Variants in ZNF775 observed in about 807,000 individuals in gnomAD.
ZNF775 encodes the protein zinc finger protein 775.
Under a neutral mutation model 2.4 loss-of-function variants are expected in ZNF775, and 1 was observed. The observed-to-expected ratio is 0.41, with a 90% confidence interval of 0.15 to 1.94. The LOEUF is 1.94. Among genes scored for constraint, ZNF775 ranks in the 30% most tolerant of loss-of-function variants. The pLI, the probability that ZNF775 is intolerant of heterozygous loss-of-function variation, is 0.30. For synonymous variants in ZNF775, 381 were observed against 373.3 expected (o/e 1.02, Z -0.24); for missense variants, 823 against 826.6 (o/e 1.00, Z 0.05).
At chr7:150,394,158 C>T (rs1800608395) in intron 2 of ZNF775, among the ~76,000 whole-genome samples, 1 of 152,236 alleles carries the variant, frequency 6.6e-6, no homozygotes, top group African/African-American at 2.4e-5. Flanking sequence ...TTTGGCTTCT[C>T]ATCTAAGAAT....
intron 2 of ZNF775, among the ~76,000 whole-genome samples, chr7:150,392,395 A>G (rs1800574332): frequency 6.6e-6 from 1 of 152,226 alleles, no homozygotes; most frequent in African/African-American, 2.4e-5. Context: ...GATTATATTT[A>G]GCATTTTTAC....
chr7:150,397,710 C>A lies in ZNF775; in HGVS notation c.1229C>A (p.Pro410Gln). Residue 410 changes from proline (P) to glutamine (Q), a missense_variant, in exon 3 of 3, where the codon CCG becomes CAG. Transcript: ENST00000329630. ...GACCAGCCGCAGGCCGAGGCCATCC[C>A]GGGCTTGGCCGCGAGGCCGCGGAGC... is the stretch of plus-strand genomic sequence containing the variant. ...PGDQPQAEAI[P>Q]GLAARPRSSQ... 4.3e-6 allele frequency: 6 copies of A among 1,400,404 alleles called. No homozygotes were observed. In the African/African-American group the frequency reaches 9.2e-5, roughly 21 times the overall value. 86.7% of individuals were successfully genotyped at this position (1,400,404 alleles called of 1,614,324 possible).
chr7:150,391,225 C>T lies in ZNF775; in HGVS notation c.31+2724C>T, dbSNP rs192782779. 7.9e-4 allele frequency among the ~76,000 whole-genome samples: 120 copies of T among 152,290 alleles called. 1 individual carries two copies. Among genetic ancestry groups the T allele is most frequent in the Admixed American group, 1.2e-3 (19 of 15,290 alleles). On this transcript the variant is annotated intron_variant, in intron 2 of 2. Coordinates refer to ENST00000329630, the MANE Select transcript of ZNF775 (RefSeq NM_173680.4). The stretch of plus-strand genomic sequence containing the variant: ...GTTTAGGTTTAAATTAACTTAAGTA[C>T]GGCCAGGCGCGGTGGCTCACGCCTG...
At chr7:150,380,849 T>A (rs1421646165) in intron 1 of ZNF775, among the ~76,000 whole-genome samples, 1 of 152,202 alleles carries the variant, frequency 6.6e-6, no homozygotes, top group Admixed American at 6.5e-5. Flanking sequence ...GGTTGCACAT[T>A]TACTTCTCAG....
chr7:150,388,603 A>C, intron 2 of ZNF775, 102 bp downstream of exon 2: 5 of 1,312,538 alleles, frequency 3.8e-6, no homozygotes, highest in Non-Finnish European at 5.4e-6. Flanking sequence ...GCCCTCAGCC[A>C]GTAGCTAGTA....
rs77127317 is a variant in ZNF775, at chr7:150,388,264, T to C, written c.-49-158T>C. ...GTTTTACCTTCTCAGCAGGTATGCTTACAATGAAAGAACCCCTGCCCATGT... is the reference window on the plus strand; with the variant it reads ...GTTTTACCTTCTCAGCAGGTATGCTCACAATGAAAGAACCCCTGCCCATGT... On this transcript the variant is annotated intron_variant, in intron 1 of 2. Transcript: ENST00000329630. 1.9e-3 allele frequency among the ~76,000 whole-genome samples: 292 copies of C among 152,284 alleles called. 2 individuals are homozygous for C. The highest frequency in any genetic ancestry group is 3.4e-3 in the Non-Finnish European group (228 of 68,018).
intron 1 of ZNF775, chr7:150,383,756 C>T (rs1800403103): frequency 1.3e-5 from 2 of 152,336 alleles, no homozygotes; most frequent in Non-Finnish European, 2.9e-5. Flanking sequence ...AGCCTTAGCG[C>T]CTAGTGGCGG....
chr7:150,390,949 C>A (rs949981099), intron 2 of ZNF775, among the ~76,000 whole-genome samples: 3 of 152,188 alleles, frequency 2.0e-5, no homozygotes, highest in Non-Finnish European at 4.4e-5. Flanking sequence ...TGTGTAGTGT[C>A]CACGCATATT....
In ZNF775 at chr7:150,396,651, T is replaced by TG; in HGVS notation, c.174dup (p.Arg59AlafsTer21). The TG allele has an allele frequency of 2.5e-6, 4 of 1,611,614 alleles. No homozygotes were observed. The highest frequency in any genetic ancestry group is 2.5e-6 in the Non-Finnish European group (3 of 1,179,628). On this transcript the variant is annotated frameshift_variant, in exon 3 of 3. Coordinates refer to ENST00000329630, the MANE Select transcript of ZNF775 (RefSeq NM_173680.4). LOFTEE classifies it low-confidence loss of function (END_TRUNC). Reference sequence around the variant, plus strand: ...CGGGGCCTCCCGCCACGCCAGACCATGGGGCGGCCTCGAGCCCTGGGGGGA... The same window carrying TG: ...CGGGGCCTCCCGCCACGCCAGACCATGGGGGCGGCCTCGAGCCCTGGGGGGA...
At chr7:150,381,927 G>T (rs1244012915) in intron 1 of ZNF775, among the ~76,000 whole-genome samples, 1 of 151,766 alleles carries the variant, frequency 6.6e-6, no homozygotes, top group African/African-American at 2.4e-5. Context: ...GTGGGATCCG[G>T]GAAGTTGGAG....
At position 150,397,150 on chromosome 7, in the gene ZNF775, C is replaced by A. The variant is rs1219398356; in HGVS notation, c.669C>A (p.Gly223=). 6.8e-7 allele frequency: 1 copy of A among 1,468,938 alleles called. No homozygotes were observed. The highest frequency in any genetic ancestry group is 1.3e-5 in the South Asian group (1 of 75,636). The allele number at this position is 1,468,938 out of a possible 1,614,324, so 91.0% of individuals were successfully genotyped here. A position where few individuals can be genotyped will look rare whatever the true frequency, so the allele number is the denominator to read the frequency against. Residue 223 remains glycine (G), a synonymous_variant, in exon 3 of 3, where the codon GGC becomes GGA. Transcript: ENST00000329630. The stretch of plus-strand genomic sequence containing the variant: ...GGGACCGCCAGGGCTCCCGCGCCGG[C>A]CTGCACGAGCTGATTCAGGACGCGG... The part of the protein sequence containing the change: ...HARDRQGSRA[G]LHELIQDAAA...
chr7:150,381,034 C>A (rs1232980016), intron 1 of ZNF775, among the ~76,000 whole-genome samples: 1 of 152,194 alleles, frequency 6.6e-6, no homozygotes, highest in African/African-American at 2.4e-5. Context: ...AAATGTGACA[C>A]CTCTTCAGAG....
At chr7:150,395,345 G>C (rs1441210507) in intron 2 of ZNF775, among the ~76,000 whole-genome samples, 1 of 151,918 alleles carries the variant, frequency 6.6e-6, no homozygotes, top group Non-Finnish European at 1.5e-5. Flanking sequence ...TATTTTGTTG[G>C]GTTTGTAACG....
At position 150,397,417 on chromosome 7, in the gene ZNF775, C is replaced by G. The variant is rs756595728; in HGVS notation, c.936C>G (p.Pro312=). The G allele has an allele frequency of 1.9e-6, 3 of 1,596,710 alleles. No individual in the cohort carries two copies. Among genetic ancestry groups the G allele is most frequent in the Non-Finnish European group, 2.6e-6 (3 of 1,175,204 alleles). Residue 312 remains proline, a synonymous_variant, in exon 3 of 3, where the codon CCC becomes CCG. Transcript: ENST00000329630. ...IHTGERPYAC[P]ECGRRFSQKP... The stretch of plus-strand genomic sequence containing the variant: ...CTGGCGAGCGCCCCTATGCGTGCCC[C>G]GAGTGCGGCCGCCGCTTCAGCCAGA...
intron 2 of ZNF775, among the ~76,000 whole-genome samples, chr7:150,392,546 TC>T (rs1800577778): frequency 4.2e-4 from 1 of 2,394 alleles, no homozygotes; most frequent in African/African-American, 7.0e-4. Context: ...CCCAAATGGA[TC>T]TCTCTCTCTC....
In ZNF775 at chr7:150,397,545, A is replaced by C. The variant is rs774721130; in HGVS notation, c.1064A>C (p.His355Pro). The C allele has an allele frequency of 6.5e-7, 1 of 1,548,276 alleles. No homozygotes were observed. The highest frequency in any genetic ancestry group is 8.7e-7 in the Non-Finnish European group (1 of 1,154,162). The change falls in exon 3 of 3, where the codon CAC becomes CCC. Residue 355 changes from histidine (H) to proline (P), a missense_variant. Transcript: ENST00000329630. ...GFRQKQHLLK[H>P]LRTHLPGAQA... ...CGCCAGAAGCAGCACCTGCTCAAGC[A>C]CCTGCGCACGCACCTGCCCGGCGCC...
At chr7:150,391,626 A>C (rs1226900623) in intron 2 of ZNF775, among the ~76,000 whole-genome samples, 1 of 152,090 alleles carries the variant, frequency 6.6e-6, no homozygotes, top group African/African-American at 2.4e-5. Context: ...TCAAGAGCTC[A>C]GATGTAAACT....
chr7:150,381,626 G>A lies in ZNF775; in HGVS notation c.-50+2234G>A, dbSNP rs555109197. On this transcript the variant is annotated intron_variant, in intron 1 of 2. Transcript: ENST00000329630. ...GAGCAAGCGTTATTTCCATTTTCAG[G>A]TGGGGAAACTGAGGCCCAGAGAAGG... Among the ~76,000 whole-genome samples, 4 of 149,642 alleles carry A rather than the reference G, an allele frequency of 2.7e-5. No homozygotes were observed. The South Asian group carries it at 8.4e-4, about 32-fold the overall frequency.
chr7:150,391,706 CTTTT>C (rs535705895), intron 2 of ZNF775, among the ~76,000 whole-genome samples: 2 of 73,596 alleles, frequency 2.7e-5, no homozygotes, highest in African/African-American at 5.4e-5. Flanking sequence ...TCCTTTCTTT[CTTTT>C]TTTTTTTTTT....
Sources: allele counts gnomAD v4.1 joint callset (sites outside exome capture counted in the v4.1 genomes callset), GRCh38; gene constraint gnomAD v4.1.1; transcripts MANE v1.5; gene names NCBI Gene and HGNC (gene_info 2026-07-23, HGNC 2026-07-21).